SBNO2: variants seen among roughly 807,000 people sequenced by gnomAD.
The protein encoded by SBNO2 is protein strawberry notch homolog 2.
SBNO2 carries 89 observed loss-of-function variants against 146.3 expected under a neutral mutation model. That is an observed-to-expected ratio of 0.61 (90% CI 0.51 to 0.73). The LOEUF (loss-of-function observed/expected upper bound fraction) is 0.73. Among genes scored for constraint, SBNO2 ranks in the 30% least tolerant of loss-of-function variants. SBNO2 has a pLI of 0.00. For missense variants in SBNO2, 2,092 were observed against 2,003.7 expected, an observed-to-expected ratio of 1.04 and a Z score of -0.84; for synonymous variants, 1,147 against 892.6, an observed-to-expected ratio of 1.29 and a Z score of -5.08.
At chr19:1,127,359 T>C (rs1296116535) in intron 5 of SBNO2, among the ~76,000 whole-genome samples, 1 of 152,132 alleles carries the variant, frequency 6.6e-6, no homozygotes, top group Non-Finnish European at 1.5e-5. Context: ...CCCAACTCCA[T>C]GCCAGGAGCA....
At chr19:1,149,981 G>A (rs939408796) in intron 2 of SBNO2, among the ~76,000 whole-genome samples, 1 of 152,200 alleles carries the variant, frequency 6.6e-6, no homozygotes, top group African/African-American at 2.4e-5. Flanking sequence ...GCTGCTGCGG[G>A]ACGGGGCCCT....
chr19:1,119,984 A>G lies in SBNO2; in HGVS notation c.1189T>C (p.Ser397Pro), dbSNP rs1470308909. The change falls in exon 12 of 32, where the codon TCC becomes CCC. Residue 397 changes from serine (S) to proline (P), a missense_variant. Ser to Pro is a moderately conservative substitution (Grantham distance 74). Transcript: ENST00000361757. ...DECHKAKNAG[S>P]TKMGKAVLDL... Reference sequence around the variant, plus strand: ...AGCACAGCCTTGCCCATCTTGGTGGAGCCGGCATTCTTGGCTTTGTGACAC... The same window carrying G: ...AGCACAGCCTTGCCCATCTTGGTGGGGCCGGCATTCTTGGCTTTGTGACAC... 2.6e-6 allele frequency: 4 copies of G among 1,549,930 alleles called. No homozygotes were observed. The highest frequency in any genetic ancestry group is 3.5e-6 in the Non-Finnish European group (4 of 1,146,748).
At chr19:1,138,576 C>T (rs931179718) in intron 4 of SBNO2, among the ~76,000 whole-genome samples, 4 of 152,064 alleles carry the variant, frequency 2.6e-5, no homozygotes, top group Admixed American at 6.5e-5. Context: ...GTGCTCACGG[C>T]GGCACAACTC....
At chr19:1,156,848 G>C (rs925188940) in intron 1 of SBNO2, among the ~76,000 whole-genome samples, 15 of 111,886 alleles carry the variant, frequency 1.3e-4, no homozygotes, top group Non-Finnish European at 2.8e-4. Flanking sequence ...CTGCACCCGG[G>C]GCCCATTTCC....
intron 1 of SBNO2, among the ~76,000 whole-genome samples, chr19:1,162,765 C>G (rs1012048029): frequency 6.6e-6 from 1 of 152,226 alleles, no homozygotes; most frequent in African/African-American, 2.4e-5. Flanking sequence ...AGACCAGGAA[C>G]CTGACGCTGG....
At position 1,140,166 on chromosome 19, in the gene SBNO2, G is replaced by C. The variant is rs2080121704; in HGVS notation, c.279+7143C>G. 1.3e-5 allele frequency among the ~76,000 whole-genome samples: 2 copies of C among 151,998 alleles called. No homozygotes were observed. Among genetic ancestry groups the C allele is most frequent in the Admixed American group, 6.6e-5 (1 of 15,254 alleles). ...ACACAAAAAATTAGCTGGGCGTGGT[G>C]GTGGGCACCTGTAGTCCCAGCTACT... On this transcript the variant is annotated intron_variant, in intron 4 of 31. Coordinates refer to ENST00000361757, the MANE Select transcript of SBNO2 (RefSeq NM_014963.3). The surrounding 1 kb of genome is among the most constrained non-coding windows in gnomAD (Gnocchi z 4.4).
intron 4 of SBNO2, among the ~76,000 whole-genome samples, chr19:1,138,989 C>T (rs1203388561): frequency 1.3e-5 from 2 of 152,106 alleles, no homozygotes; most frequent in South Asian, 2.1e-4. Context: ...CCCCTCCACG[C>T]GTCCATCACA....
intron 2 of SBNO2, among the ~76,000 whole-genome samples, chr19:1,151,810 C>A (rs554114313): frequency 6.6e-6 from 1 of 152,180 alleles, no homozygotes; most frequent in African/African-American, 2.4e-5. Flanking sequence ...TTACAGGCGC[C>A]CGCCACCACG....
chr19:1,134,029 C>T (rs901417603), intron 4 of SBNO2, among the ~76,000 whole-genome samples: 17 of 152,068 alleles, frequency 1.1e-4, no homozygotes, highest in Non-Finnish European at 2.2e-4. Flanking sequence ...ACAGGACCCA[C>T]AGCTCAAGGG....
chr19:1,133,633 T>C (rs1489726740), intron 4 of SBNO2, among the ~76,000 whole-genome samples: 2 of 152,140 alleles, frequency 1.3e-5, no homozygotes, highest in African/African-American at 4.8e-5. Context: ...GGGGCCCGCC[T>C]GCCAGGCACC....
chr19:1,119,227 C>A, intron 13 of SBNO2, 63 bp from the exon 14 acceptor site: 1 of 1,530,184 alleles, frequency 6.5e-7, no homozygotes, highest in African/African-American at 1.4e-5. Flanking sequence ...CCACTCGGAG[C>A]GCGAGGCAGA....
chr19:1,142,803 C>T (rs962369458), intron 4 of SBNO2, among the ~76,000 whole-genome samples: 33 of 152,262 alleles, frequency 2.2e-4, no homozygotes, highest in African/African-American at 7.2e-4. Flanking sequence ...CCCATCTCTA[C>T]TAAAAATATA....
intron 4 of SBNO2, among the ~76,000 whole-genome samples, chr19:1,138,810 C>T (rs1292100227): frequency 6.6e-6 from 1 of 151,306 alleles, no homozygotes; most frequent in Admixed American, 6.6e-5. Flanking sequence ...ACGCCTCCAT[C>T]ACGGACAGAC....
At chr19:1,130,622 T>A (rs892515480) in intron 4 of SBNO2, among the ~76,000 whole-genome samples, 2 of 151,934 alleles carry the variant, frequency 1.3e-5, no homozygotes, top group Non-Finnish European at 2.9e-5. Context: ...CAAGACTCCA[T>A]GTCTACAGAA....
In SBNO2 at chr19:1,117,343, C is replaced by T; in HGVS notation, c.1684G>A (p.Glu562Lys). 1 of 1,574,284 alleles carries T rather than the reference C, an allele frequency of 6.4e-7. No individual in the cohort carries two copies. The highest frequency in any genetic ancestry group is 8.6e-7 in the Non-Finnish European group (1 of 1,161,316). The change falls in exon 15 of 32, where the codon GAG (glutamate) becomes AAG (lysine). Residue 562 changes from glutamate (E) to lysine (K), a missense_variant. By Grantham distance (56) the Glu-to-Lys change is moderately conservative. Transcript: ENST00000361757. The part of the protein sequence containing the change: ...KVRRLVELAR[E>K]ELARDKCVVI... Reference sequence around the variant, plus strand: ...CTCACCTTGTCTCGCGCCAGCTCCTCTCGGGCCAGCTCCACCAGCCGGCGC... The same window carrying T: ...CTCACCTTGTCTCGCGCCAGCTCCTTTCGGGCCAGCTCCACCAGCCGGCGC...
In SBNO2 at chr19:1,140,460, G is replaced by C. The variant is rs552054203; in HGVS notation, c.279+6849C>G. 1.2e-4 allele frequency among the ~76,000 whole-genome samples: 19 copies of C among 152,340 alleles called. No homozygotes were observed. The highest frequency in any genetic ancestry group is 4.6e-4 in the African/African-American group (19 of 41,580). ...GCTTCGCGCCAACCTGGAGACGGAA[G>C]GCTGAGCAGAAGTGAGGGGGGCCCT... is the stretch of plus-strand genomic sequence containing the variant. On this transcript the variant is annotated intron_variant, in intron 4 of 31. Transcript: ENST00000361757. This position sits in a 1 kb window ranked among gnomAD's most constrained non-coding sequence, Gnocchi z 4.4.
At chr19:1,149,508 C>A in intron 2 of SBNO2, 66 bp from the exon 3 acceptor site, 1 of 1,451,100 alleles carries the variant, frequency 6.9e-7, no homozygotes, top group Non-Finnish European at 9.5e-7. Context: ...CGGCTAAGCC[C>A]TCCGGGCAGG....
chr19:1,117,035 G>T, intron 15 of SBNO2, 109 bp from the exon 16 acceptor site: 1 of 1,086,620 alleles, frequency 9.2e-7, no homozygotes, highest in Non-Finnish European at 1.3e-6. Flanking sequence ...CTGCTGCTGT[G>T]CTCGCCTCCC....
At chr19:1,139,611 G>A (rs529564304) in intron 4 of SBNO2, among the ~76,000 whole-genome samples, 16 of 152,158 alleles carry the variant, frequency 1.1e-4, no homozygotes, top group African/African-American at 3.9e-4. Context: ...CCTGGCCAAC[G>A]TGGTGAAACC....
Sources: gnomAD v4.1 joint callset for allele counts (sites outside exome capture counted in the v4.1 genomes callset) on GRCh38, gnomAD v4.1.1 for gene constraint, Gnocchi (gnomAD v3.1) non-coding constraint, MANE v1.5 for transcripts, NCBI Gene and HGNC (gene_info 2026-07-23, HGNC 2026-07-21) for gene names.